Variants in POU6F1 observed in about 807,000 individuals in gnomAD.
POU6F1 encodes the protein POU domain, class 6, transcription factor 1.
In POU6F1, 9 loss-of-function variants were observed where a neutral mutation model predicts 28.9. The observed-to-expected ratio is 0.31, with a 90% CI of 0.19 to 0.54. The LOEUF (loss-of-function observed/expected upper bound fraction) is 0.54. POU6F1 is among the 20% of genes least tolerant of loss of function. The pLI is 0.94. For synonymous variants in POU6F1, 173 were observed against 171.1 expected (o/e 1.01, Z -0.09); for missense variants, 338 against 426.1 (o/e 0.79, Z 1.82).
intron 1 of POU6F1, among the ~76,000 whole-genome samples, chr12:51,215,336 C>T (rs998753378): frequency 2.6e-5 from 4 of 151,900 alleles, no homozygotes; most frequent in African/African-American, 9.7e-5. Context: ...GGGCGGATTA[C>T]TTGAGGTCAG....
Position 51,196,011 on chromosome 12 carries a change from C to A in POU6F1, c.1138G>T (p.Val380Phe). The A allele has an allele frequency of 6.7e-7, 1 of 1,499,200 alleles. No individual in the cohort carries two copies. The highest frequency in any genetic ancestry group is 9.0e-7 in the Non-Finnish European group (1 of 1,111,518). 92.9% of individuals were successfully genotyped at this position (1,499,200 alleles called of 1,614,324 possible). Residue 380 changes from valine to phenylalanine, a missense_variant, in exon 8 of 11, where the codon GTC (valine) becomes TTC (phenylalanine). Physicochemically the swap from Val to Phe is conservative, Grantham distance 50 (BLOSUM62 -1). This residue lies in a region of POU6F1 where 206 missense variants were observed against 225.6 expected (regional missense o/e 0.91). Transcript: ENST00000333640. ...GACTCAGGTGTGCTTGGCTTCCGGA[C>A]AGCCACAGGTGGAGGCAGGGGGCTG... ...ASSPLPPPVA[V>F]RKPSTPESPA... is the part of the protein sequence containing the mutation.
At chr12:51,204,747 A>AC (rs1305763904) in intron 2 of POU6F1, among the ~76,000 whole-genome samples, 2 of 152,146 alleles carry the variant, frequency 1.3e-5, no homozygotes, top group East Asian at 3.9e-4. Context: ...GGATCTTCGA[A>AC]CGTGGGTATG....
chr12:51,192,134 C>T (rs1942459957), intron 9 of POU6F1, among the ~76,000 whole-genome samples, 196 bp downstream of exon 9: 1 of 152,220 alleles, frequency 6.6e-6, no homozygotes, highest in Non-Finnish European at 1.5e-5. Context: ...AGCCAGCCAG[C>T]TTGACAGCCT....
intron 8 of POU6F1, among the ~76,000 whole-genome samples, chr12:51,194,576 G>A (rs905996842): frequency 3.3e-5 from 5 of 150,596 alleles, no homozygotes; most frequent in African/African-American, 9.8e-5. Flanking sequence ...AGGAGCAGAG[G>A]TTGCAGTGAG....
chr12:51,192,477 A>G lies in POU6F1; in HGVS notation c.1180-6T>C. 6.2e-7 allele frequency: 1 copy of G among 1,612,360 alleles called. No individual in the cohort carries two copies. The highest frequency in any genetic ancestry group is 1.1e-5 in the South Asian group (1 of 90,964). On this transcript the variant is annotated splice_region_variant and splice_polypyrimidine_tract_variant and intron_variant, in intron 8 of 10. Transcript: ENST00000333640. ...GTGGGCTGGATGGGCTGCACCTGTG[A>G]AAGGACAGACAACAAGCCTTTGCTG...
chr12:51,212,492 T>C (rs1045325551), intron 1 of POU6F1, among the ~76,000 whole-genome samples: 2 of 151,026 alleles, frequency 1.3e-5, no homozygotes, highest in African/African-American at 2.4e-5. Flanking sequence ...AAGAAATCTA[T>C]AGTCCAGGCC....
At chr12:51,212,609 C>G (rs1365478616) in intron 1 of POU6F1, among the ~76,000 whole-genome samples, 1 of 149,646 alleles carries the variant, frequency 6.7e-6, no homozygotes, top group Admixed American at 6.7e-5. Context: ...GGAGAAACCC[C>G]GTCTCTACTA....
At chr12:51,194,207 A>T (rs1425111442) in intron 8 of POU6F1, among the ~76,000 whole-genome samples, 1 of 152,060 alleles carries the variant, frequency 6.6e-6, no homozygotes, top group African/African-American at 2.4e-5. Context: ...TTGTATTTTT[A>T]GTAGAGACGA....
At chr12:51,200,897 T>C (rs1274102798) in intron 3 of POU6F1, among the ~76,000 whole-genome samples, 14 of 152,166 alleles carry the variant, frequency 9.2e-5, no homozygotes, top group Non-Finnish European at 2.1e-4. Context: ...TTCACCATGT[T>C]GGTCAGGCTA....
At chr12:51,216,159 A>G (rs1944276152) in intron 1 of POU6F1, among the ~76,000 whole-genome samples, 1 of 152,224 alleles carries the variant, frequency 6.6e-6, no homozygotes, top group Non-Finnish European at 1.5e-5. Context: ...CTCTACTAAG[A>G]TACAAAAAAA....
intron 2 of POU6F1, among the ~76,000 whole-genome samples, chr12:51,205,442 C>T (rs532061743): frequency 2.2e-4 from 33 of 152,320 alleles, no homozygotes; most frequent in African/African-American, 7.5e-4. Flanking sequence ...GCGATGCAGG[C>T]GGACCCTGAG....
In POU6F1 at chr12:51,199,356, G is replaced by A. The variant is rs1202391420; in HGVS notation, c.366+391C>T. 6.6e-6 allele frequency among the ~76,000 whole-genome samples: 1 copy of A among 152,200 alleles called. No individual in the cohort carries two copies. Among genetic ancestry groups the A allele is most frequent in the Non-Finnish European group, 1.5e-5 (1 of 68,038 alleles). ...AGGATCCTGAAGGCAGCCTCTCATG[G>A]TGCTGGGGCCACTCCCTGGCTCTAA... On this transcript the variant is annotated intron_variant, in intron 4 of 10. Transcript: ENST00000333640. This position sits in a 1 kb window ranked among gnomAD's most constrained non-coding sequence, Gnocchi z 4.1.
At chr12:51,192,538 T>C in intron 8 of POU6F1, 67 bp from the exon 9 acceptor site, 4 of 1,573,128 alleles carry the variant, frequency 2.5e-6, no homozygotes, top group Non-Finnish European at 3.5e-6. Flanking sequence ...AATCCCTGGG[T>C]GGACCAGAGG....
At chr12:51,191,870 T>C in intron 9 of POU6F1, 106 bp from the exon 10 acceptor site, 3 of 1,387,024 alleles carry the variant, frequency 2.2e-6, no homozygotes, top group Non-Finnish European at 3.0e-6. Flanking sequence ...TGAGGACACC[T>C]GGGAAAAGGC....
chr12:51,206,978 C>G, intron 1 of POU6F1, 95 bp from the exon 2 acceptor site: 1 of 388,682 alleles, frequency 2.6e-6, no homozygotes, highest in East Asian at 3.6e-5. Context: ...TCACAGAAGA[C>G]AGAGAAGTTA....
At position 51,189,973 on chromosome 12, in the gene POU6F1, CAAGG is replaced by C; in HGVS notation, c.*270_*273del. 2.1e-6 allele frequency: 1 copy of C among 476,990 alleles called. No individual in the cohort carries two copies. Among genetic ancestry groups the C allele is most frequent in the Non-Finnish European group, 3.7e-6 (1 of 270,754 alleles). The allele number at this position is 476,990 out of a possible 1,614,324, so 29.5% of individuals were successfully genotyped here. A position where few individuals can be genotyped will look rare whatever the true frequency, so the allele number is the denominator to read the frequency against. Reference sequence around the variant, plus strand: ...ATTCACCCTTCAGAAACCATGCTAGCAAGGTGCTTCTCTAAGTGACGTCACAAAT... The same window carrying C: ...ATTCACCCTTCAGAAACCATGCTAGCTGCTTCTCTAAGTGACGTCACAAAT... On this transcript the variant is annotated 3_prime_UTR_variant, in exon 11 of 11. Transcript: ENST00000333640.
intron 1 of POU6F1, among the ~76,000 whole-genome samples, chr12:51,208,723 G>C (rs1257188057): frequency 6.6e-6 from 1 of 152,178 alleles, no homozygotes. Context: ...GACTGCTTGA[G>C]CCCAGGAGTT....
At position 51,212,395 on chromosome 12, in the gene POU6F1, C is replaced by A. The variant is rs939788910; in HGVS notation, c.-48+5247G>T. ...GCATGAGCCACTGCGCCCAGCCAAA[C>A]CTTTGTTTTTTCAACGCATGTTTCA... On this transcript the variant is annotated intron_variant, in intron 1 of 10. Coordinates refer to ENST00000333640, the MANE Select transcript of POU6F1 (RefSeq NM_001330422.2). Among the ~76,000 whole-genome samples the A allele has an allele frequency of 5.3e-5, 8 of 151,662 alleles. No homozygotes were observed. The East Asian group carries it at 9.8e-4, about 18-fold the overall frequency.
intron 10 of POU6F1, among the ~76,000 whole-genome samples, chr12:51,191,089 G>A (rs1042799587): frequency 6.6e-6 from 1 of 152,158 alleles, no homozygotes; most frequent in Non-Finnish European, 1.5e-5. Flanking sequence ...GAAACCTTTT[G>A]GCCATCCCTG....
Sources: allele counts gnomAD v4.1 joint callset (sites outside exome capture counted in the v4.1 genomes callset), GRCh38; gene constraint gnomAD v4.1.1; regional missense constraint gnomAD v4.1.1; non-coding constraint Gnocchi (gnomAD v3.1); transcripts MANE v1.5; gene names NCBI Gene and HGNC (gene_info 2026-07-23, HGNC 2026-07-21).